Variants in SLC35D1 observed in about 807,000 individuals in gnomAD.
SLC35D1 encodes nucleotide sugar transporter SLC35D1.
SLC35D1 carries 31 observed loss-of-function variants against 46.7 expected under a neutral mutation model. The observed-to-expected ratio is 0.66, with a 90% confidence interval of 0.50 to 0.90. SLC35D1 has a LOEUF of 0.90. SLC35D1 is among the 40% of genes least tolerant of loss of function. The pLI, the probability that SLC35D1 is intolerant of heterozygous loss-of-function variation, is 0.00. For synonymous variants in SLC35D1, 195 were observed against 164.6 expected, an observed-to-expected ratio of 1.18 and a Z score of -1.41; for missense variants, 397 against 426.2, an observed-to-expected ratio of 0.93 and a Z score of 0.60.
chr1:67,051,936 T>C (rs1366447569), intron 4 of SLC35D1, 76 bp downstream of exon 4: 5 of 1,030,086 alleles, frequency 4.9e-6, no homozygotes, highest in Admixed American at 3.5e-5. Flanking sequence ...TAACAATGTG[T>C]TAAATATTTG....
downstream of SLC35D1, among the ~76,000 whole-genome samples, chr1:66,997,648 G>A (rs1029713092): frequency 2.8e-5 from 4 of 143,672 alleles, no homozygotes; most frequent in African/African-American, 5.1e-5. Flanking sequence ...ATCTAAAGGG[G>A]TTAAATATGT....
intron 8 of SLC35D1, among the ~76,000 whole-genome samples, chr1:67,037,774 G>C (rs1668153481): frequency 6.6e-6 from 1 of 152,056 alleles, no homozygotes; most frequent in Admixed American, 6.6e-5. Flanking sequence ...ATAAACCACT[G>C]AGTTTGCATG....
At chr1:66,973,112 T>G in the SLC35D1 span, 1 of 599,452 alleles carries the variant, frequency 1.7e-6, no homozygotes. Flanking sequence ...TGACAATATT[T>G]TGGTATTTAG....
At chr1:67,007,485 G>A (rs1159295499) in intron 11 of SLC35D1, among the ~76,000 whole-genome samples, 2 of 150,956 alleles carry the variant, frequency 1.3e-5, no homozygotes. Context: ...AGCAAGGAAT[G>A]TAACATTATG....
chr1:66,976,307 C>G, the SLC35D1 span, among the ~76,000 whole-genome samples: 1 of 152,028 alleles, frequency 6.6e-6, no homozygotes, highest in African/African-American at 2.4e-5. Flanking sequence ...CGGCCAACTT[C>G]CAAGCATTTT....
chr1:67,041,548 C>T (rs1048996115), intron 8 of SLC35D1, among the ~76,000 whole-genome samples: 3 of 152,136 alleles, frequency 2.0e-5, no homozygotes, highest in Non-Finnish European at 4.4e-5. Flanking sequence ...GTACAGAAAT[C>T]CTTGCCATAA....
intron 8 of SLC35D1, among the ~76,000 whole-genome samples, chr1:67,022,433 G>A (rs189201893): frequency 2.0e-5 from 3 of 152,242 alleles, no homozygotes; most frequent in South Asian, 2.1e-4. Flanking sequence ...GCCTTTGCCT[G>A]GAATGTCCTT....
downstream of SLC35D1, among the ~76,000 whole-genome samples, chr1:66,995,433 T>A (rs1473173698): frequency 2.8e-5 from 1 of 35,758 alleles, no homozygotes; most frequent in Non-Finnish European, 4.7e-5. Context: ...CCTGCTACGC[T>A]AAAAAAAAAA....
At chr1:67,005,315 G>C (rs986917316) in intron 11 of SLC35D1, among the ~76,000 whole-genome samples, 5 of 152,098 alleles carry the variant, frequency 3.3e-5, no homozygotes, top group Non-Finnish European at 7.4e-5. Flanking sequence ...TCATGAACTT[G>C]CTGCTTATTT....
intron 8 of SLC35D1, among the ~76,000 whole-genome samples, chr1:67,027,690 T>C (rs975926304): frequency 6.6e-6 from 1 of 152,148 alleles, no homozygotes; most frequent in African/African-American, 2.4e-5. Context: ...CTATATACTG[T>C]TTTGGCTGCA....
rs557819181 is a variant in SLC35D1 at position 67,018,516 on chromosome 1, G to A, written c.876+1853C>T. On this transcript the variant is annotated intron_variant, in intron 10 of 11. Transcript: ENST00000235345. ...CAAGAAGCACAGAAGAGTCATGATA[G>A]CTCAAAACTAAGACTGCAATTCTCA... Among the ~76,000 whole-genome samples the A allele has an allele frequency of 2.0e-5, 3 of 152,168 alleles. No individual in the cohort carries two copies. In the South Asian group the frequency reaches 6.2e-4, roughly 32 times the overall value.
the SLC35D1 span, chr1:66,981,881 G>A: frequency 6.2e-7 from 1 of 1,614,068 alleles, no homozygotes; most frequent in African/African-American, 1.3e-5. Context: ...GCCAGTCTGA[G>A]AAAGAAGATG....
At chr1:66,980,581 C>T in the SLC35D1 span, among the ~76,000 whole-genome samples, 1 of 152,148 alleles carries the variant, frequency 6.6e-6, no homozygotes. Flanking sequence ...TCAGAGCTTC[C>T]ACTGTTTCCT....
chr1:66,976,245 ACCCC>A, the SLC35D1 span, among the ~76,000 whole-genome samples: 1 of 151,138 alleles, frequency 6.6e-6, no homozygotes, highest in Non-Finnish European at 1.5e-5. Context: ...CTCGTGATCC[ACCCC>A]CCTTGGCCTC....
intron 7 of SLC35D1, among the ~76,000 whole-genome samples, chr1:67,043,327 G>T (rs1221929670): frequency 6.6e-6 from 1 of 152,006 alleles, no homozygotes; most frequent in Non-Finnish European, 1.5e-5. Context: ...GAACGAGATT[G>T]TGCCCCTGTA....
At chr1:66,988,298 A>G in the SLC35D1 span, 1 of 152,312 alleles carries the variant, frequency 6.6e-6, no homozygotes, top group Non-Finnish European at 1.5e-5. Flanking sequence ...ACATAATTCT[A>G]CTGATACAAC....
chr1:66,989,816 C>A, the SLC35D1 span, among the ~76,000 whole-genome samples: 1 of 152,114 alleles, frequency 6.6e-6, no homozygotes, highest in African/African-American at 2.4e-5. Flanking sequence ...GTGGTTTCTT[C>A]CAGAAACAAG....
chr1:66,981,516 C>T, the SLC35D1 span, among the ~76,000 whole-genome samples: 1 of 152,120 alleles, frequency 6.6e-6, no homozygotes, highest in Admixed American at 6.5e-5. Context: ...TGAGCACCTG[C>T]CTACAACTTT....
chr1:67,038,836 CACACACACACACACACAA>C (rs951066393), intron 8 of SLC35D1, among the ~76,000 whole-genome samples: 1 of 151,538 alleles, frequency 6.6e-6, no homozygotes, highest in African/African-American at 2.4e-5. Flanking sequence ...AATATGTATA[CACACACACACACACACAA>C]ACACACACAC....
Sources: allele counts gnomAD v4.1 joint callset (sites outside exome capture counted in the v4.1 genomes callset), GRCh38; gene constraint gnomAD v4.1.1; transcripts MANE v1.5; gene names NCBI Gene and HGNC (gene_info 2026-07-23, HGNC 2026-07-21).